Variants in TTLL11 observed in about 807,000 individuals in gnomAD.
The protein encoded by TTLL11 is tubulin tyrosine ligase like 11, also known as tubulin polyglutamylase TTLL11.
TTLL11 carries 42 observed loss-of-function variants against 51.7 expected under a neutral mutation model. The observed-to-expected ratio is 0.81, with a 90% CI of 0.64 to 1.05. The LOEUF is 1.05. TTLL11 is among the 50% of genes least tolerant of loss of function. TTLL11 has a pLI of 0.00. For missense variants in TTLL11, 799 were observed against 940.4 expected, an observed-to-expected ratio of 0.85 and a Z score of 1.97; for synonymous variants, 381 against 383.5, an observed-to-expected ratio of 0.99 and a Z score of 0.08.
intron 8 of TTLL11, among the ~76,000 whole-genome samples, chr9:121,852,373 T>G (rs778986193): frequency 1.3e-5 from 2 of 152,114 alleles, no homozygotes; most frequent in Non-Finnish European, 2.9e-5. Context: ...TCTCAGGGCT[T>G]CCCGAGGGAA....
intron 6 of TTLL11, among the ~76,000 whole-genome samples, chr9:121,884,134 A>C (rs977051064): frequency 6.6e-6 from 1 of 152,184 alleles, no homozygotes; most frequent in Non-Finnish European, 1.5e-5. Context: ...TGGGGTCTAG[A>C]GGCTGCCGTC....
intron 8 of TTLL11, among the ~76,000 whole-genome samples, chr9:121,824,779 A>G (rs1299232410): frequency 6.6e-6 from 1 of 152,006 alleles, no homozygotes; most frequent in East Asian, 1.9e-4. Flanking sequence ...GCTGGTGTCA[A>G]CTCTGAAATC....
chr9:121,844,337 G>A (rs953019699), intron 8 of TTLL11, among the ~76,000 whole-genome samples: 7 of 152,112 alleles, frequency 4.6e-5, no homozygotes, highest in Non-Finnish European at 1.0e-4. Context: ...GGAAACCGAA[G>A]CTTCTGGCAC....
intron 6 of TTLL11, among the ~76,000 whole-genome samples, chr9:121,966,954 C>G (rs1305364835): frequency 6.6e-6 from 1 of 152,170 alleles, no homozygotes; most frequent in African/African-American, 2.4e-5. Context: ...ACCCTAAGAA[C>G]TAGCTGTTGT....
chr9:122,037,847 A>G (rs1404182057), intron 2 of TTLL11, among the ~76,000 whole-genome samples: 1 of 152,164 alleles, frequency 6.6e-6, no homozygotes, highest in East Asian at 1.9e-4. Flanking sequence ...AGTGTGGCCT[A>G]TGGTAGTGAA....
chr9:121,887,906 C>T (rs774883665), intron 6 of TTLL11, among the ~76,000 whole-genome samples: 1 of 152,080 alleles, frequency 6.6e-6, no homozygotes, highest in Non-Finnish European at 1.5e-5. Flanking sequence ...GCCTGGGGGC[C>T]CCCAGGCAAC....
chr9:121,889,255 A>C (rs1203165888), intron 6 of TTLL11, among the ~76,000 whole-genome samples: 1 of 152,212 alleles, frequency 6.6e-6, no homozygotes, highest in Non-Finnish European at 1.5e-5. Flanking sequence ...AGTGAGAGAC[A>C]GAGAGAGCTC....
chr9:122,085,560 A>G (rs547751894), intron 1 of TTLL11, among the ~76,000 whole-genome samples: 43 of 152,304 alleles, frequency 2.8e-4, no homozygotes, highest in Middle Eastern at 6.8e-3. Context: ...AGATAAGTCA[A>G]ATTAGCTGGT....
chr9:121,883,306 G>A (rs776393346), intron 6 of TTLL11, among the ~76,000 whole-genome samples: 1 of 152,168 alleles, frequency 6.6e-6, no homozygotes, highest in African/African-American at 2.4e-5. Context: ...GGTGTTGAGG[G>A]ACTTGATGGG....
intron 6 of TTLL11, among the ~76,000 whole-genome samples, chr9:121,895,586 A>C (rs897590795): frequency 1.2e-4 from 16 of 132,562 alleles, no homozygotes; most frequent in Non-Finnish European, 1.3e-4. Context: ...TGTTTGTGTG[A>C]CTGTGTGTGG....
chr9:121,994,724 T>C (rs1843205417), intron 3 of TTLL11, among the ~76,000 whole-genome samples: 2 of 152,164 alleles, frequency 1.3e-5, no homozygotes, highest in Admixed American at 6.5e-5. Context: ...CCTAAAATGA[T>C]GGGGACTCCC....
At chr9:121,881,778 A>C (rs7037739) in intron 6 of TTLL11, among the ~76,000 whole-genome samples, 1 of 152,058 alleles carries the variant, frequency 6.6e-6, no homozygotes, top group African/African-American at 2.4e-5. Context: ...GTATTTGGTC[A>C]GGGGAAAAAG....
At chr9:121,888,697 G>C (rs1452272719) in intron 6 of TTLL11, among the ~76,000 whole-genome samples, 1 of 152,230 alleles carries the variant, frequency 6.6e-6, no homozygotes, top group African/African-American at 2.4e-5. Context: ...ACTACGAGCA[G>C]GGGGGTGCTA....
chr9:121,891,164 G>T (rs138521331), intron 6 of TTLL11, among the ~76,000 whole-genome samples: 24 of 152,312 alleles, frequency 1.6e-4, no homozygotes, highest in Middle Eastern at 3.4e-3. Flanking sequence ...TAAACTGCCA[G>T]CTCCACCAGG....
At chr9:122,020,795 GA>G (rs1329409226) in intron 3 of TTLL11, among the ~76,000 whole-genome samples, 1 of 152,194 alleles carries the variant, frequency 6.6e-6, no homozygotes, top group African/African-American at 2.4e-5. Context: ...CAAACAATGA[GA>G]AGGTGACCAG....
chr9:121,864,005 G>A (rs966050085), intron 7 of TTLL11, among the ~76,000 whole-genome samples: 6 of 152,216 alleles, frequency 3.9e-5, no homozygotes, highest in African/African-American at 1.4e-4. Context: ...AAGCACTCCT[G>A]TGGCAAGCTT....
chr9:121,849,285 T>C (rs190590302), intron 8 of TTLL11, among the ~76,000 whole-genome samples: 23 of 152,144 alleles, frequency 1.5e-4, no homozygotes, highest in Non-Finnish European at 2.8e-4. Context: ...ACGTGTAAAA[T>C]ACAAACTATA....
chr9:121,875,061 A>G (rs1838519630), intron 6 of TTLL11, among the ~76,000 whole-genome samples: 2 of 152,216 alleles, frequency 1.3e-5, no homozygotes, highest in Admixed American at 1.3e-4. Flanking sequence ...TCATAGTATA[A>G]TAATGAACAT....
chr9:121,852,933 G>A (rs78459558), intron 8 of TTLL11, among the ~76,000 whole-genome samples: 3,331 of 152,330 alleles, frequency 0.022, 118 homozygotes, highest in African/African-American at 0.074. Context: ...CTACTTATCC[G>A]AGGCCTCCTG....
Sources: allele counts gnomAD v4.1 joint callset (sites outside exome capture counted in the v4.1 genomes callset), GRCh38; gene constraint gnomAD v4.1.1; transcripts MANE v1.5; gene names NCBI Gene and HGNC (gene_info 2026-07-23, HGNC 2026-07-21).